Variants in CYP4F12 observed in about 807,000 individuals in gnomAD.
CYP4F12 encodes cytochrome P450 4F12.
In CYP4F12, 60 loss-of-function variants were observed where a neutral mutation model predicts 56.5. The observed-to-expected ratio is 1.06, with a 90% CI of 0.86 to 1.32. CYP4F12 has a LOEUF of 1.32. Among genes scored for constraint, CYP4F12 ranks in the 40% most tolerant of loss-of-function variants. CYP4F12 has a pLI of 0.00. For synonymous variants in CYP4F12, 263 were observed against 264.9 expected, an observed-to-expected ratio of 0.99 and a Z score of 0.07; for missense variants, 711 against 683.5, an observed-to-expected ratio of 1.04 and a Z score of -0.45.
rs1252068689 is a variant in CYP4F12 at position 15,696,169 on chromosome 19, T to A, written c.1258T>A (p.Cys420Ser). The A allele has an allele frequency of 1.2e-6, 2 of 1,614,074 alleles. No individual in the cohort carries two copies. Among genetic ancestry groups the A allele is most frequent in the Middle Eastern group, 3.3e-4 (2 of 6,060 alleles). ...DGRVIPKGIT[C>S]LIDIIGVHHN... ...CCCTTTCTCTCCCACAGGCATTACC[T>A]GCCTCATCGATATTATAGGGGTCCA... The change falls in exon 11 of 13, where the codon TGC becomes AGC. Residue 420 changes from cysteine to serine, a missense_variant. Coordinates refer to ENST00000550308, the MANE Select transcript of CYP4F12 (RefSeq NM_023944.4).
rs1007613229 is a variant in CYP4F12 at position 15,693,469 on chromosome 19, T to C, written c.1116-2467T>C. ...TTCAAATTGCCTGACTCTCGTGTTT[T>C]TTTGGCTGCATAAATGTCTTCTTTT... On this transcript the variant is annotated intron_variant, in intron 9 of 12. Coordinates refer to ENST00000550308, the MANE Select transcript of CYP4F12 (RefSeq NM_023944.4). Among the ~76,000 whole-genome samples, 4 of 152,202 alleles carry C rather than the reference T, an allele frequency of 2.6e-5. No individual in the cohort carries two copies. The East Asian group carries it at 7.7e-4, about 29-fold the overall frequency.
rs376221682 is a variant in CYP4F12 at position 15,677,652 on chromosome 19, C to A, written c.199-609C>A. On this transcript the variant is annotated intron_variant, in intron 2 of 12. Transcript: ENST00000550308. ...CCTCTCCTCACTTACTCATTCCTCT[C>A]CTCACTCACTCATTCCTCTCCTCAC... Among the ~76,000 whole-genome samples, 194 of 67,236 alleles carry A rather than the reference C, an allele frequency of 2.9e-3. 60 individuals carry two copies. Among genetic ancestry groups the A allele is most frequent in the Middle Eastern group, 0.02 (2 of 98 alleles). 44.1% of individuals were successfully genotyped at this position (67,236 alleles called of 152,430 possible).
chr19:15,687,262 G>A (rs2007659020), intron 9 of CYP4F12, among the ~76,000 whole-genome samples: 1 of 118,794 alleles, frequency 8.4e-6, no homozygotes, highest in Non-Finnish European at 1.7e-5. Flanking sequence ...GGGCAACAGA[G>A]TGAGACTCTT....
chr19:15,684,764 G>GTA (rs1457607161), intron 7 of CYP4F12, 52 bp from the exon 8 acceptor site: 13 of 335,120 alleles, frequency 3.9e-5, no homozygotes, highest in South Asian at 3.7e-5. Context: ...ATTTGTGTGT[G>GTA]TGTGTGTGTG....
intron 9 of CYP4F12, among the ~76,000 whole-genome samples, chr19:15,695,514 A>C (rs1023366500): frequency 5.3e-5 from 7 of 131,424 alleles, no homozygotes; most frequent in Admixed American, 1.5e-4. Flanking sequence ...AAAAAAAAAA[A>C]AACAAATTGC....
chr19:15,695,942 C>T lies in CYP4F12; in HGVS notation c.1122C>T (p.Asp374=). ...DRDPKEIEWD[D]LAQLPFLTMC... ...GGCTGGGGTGTTTCCTTAGGGACGA[C>T]CTGGCCCAGCTGCCCTTCCTGACCA... The change falls in exon 10 of 13, where the codon GAC becomes GAT. Residue 374 remains aspartate (D), a synonymous_variant. Coordinates refer to ENST00000550308, the MANE Select transcript of CYP4F12 (RefSeq NM_023944.4). 3 of 1,613,014 alleles carry T rather than the reference C, an allele frequency of 1.9e-6. No homozygotes were observed. Among genetic ancestry groups the T allele is most frequent in the Non-Finnish European group, 2.5e-6 (3 of 1,179,660 alleles).
chr19:15,678,509 T>G, intron 3 of CYP4F12, 104 bp downstream of exon 3: 1 of 1,398,340 alleles, frequency 7.2e-7, no homozygotes, highest in Non-Finnish European at 9.9e-7. Context: ...CATTGAGACT[T>G]CCTTCTCAAT....
intron 6 of CYP4F12, among the ~76,000 whole-genome samples, chr19:15,682,859 G>T (rs1358390465): frequency 2.0e-5 from 3 of 152,186 alleles, no homozygotes; most frequent in African/African-American, 4.8e-5. Context: ...TGTGATAAGA[G>T]CTGAGCTGTG....
chr19:15,675,227 C>T (rs147275957), intron 2 of CYP4F12, among the ~76,000 whole-genome samples: 44,546 of 62,566 alleles, frequency 0.71, 17,102 homozygotes, highest in East Asian at 1. Context: ...CGACTGGGAC[C>T]GGCCCTCCCC....
chr19:15,688,543 C>T (rs1482452973), intron 9 of CYP4F12, among the ~76,000 whole-genome samples: 1 of 152,136 alleles, frequency 6.6e-6, no homozygotes, highest in Non-Finnish European at 1.5e-5. Context: ...GCAAAGCAAT[C>T]TACAGATTTA....
chr19:15,689,701 T>A (rs1215486932), intron 9 of CYP4F12, among the ~76,000 whole-genome samples: 3 of 152,194 alleles, frequency 2.0e-5, no homozygotes, highest in Non-Finnish European at 1.5e-5. Flanking sequence ...GGAACCAACC[T>A]AACTGCCCAT....
intron 9 of CYP4F12, among the ~76,000 whole-genome samples, 166 bp from the exon 10 acceptor site, chr19:15,695,770 A>G (rs956099998): frequency 1.3e-5 from 2 of 152,114 alleles, no homozygotes; most frequent in African/African-American, 2.4e-5. Context: ...TACTTTTCTA[A>G]TTCTCTGCTT....
intron 9 of CYP4F12, among the ~76,000 whole-genome samples, chr19:15,686,127 G>T (rs1239498993): frequency 6.6e-6 from 1 of 152,192 alleles, no homozygotes; most frequent in Admixed American, 6.5e-5. Context: ...GAGAGCAAGA[G>T]AAGCATGGCT....
chr19:15,684,563 T>A (rs2007495406), intron 7 of CYP4F12: 1 of 433,422 alleles, frequency 2.3e-6, no homozygotes, highest in African/African-American at 2.0e-5. Flanking sequence ...AATGAAAATA[T>A]TCGAGAACCA....
chr19:15,695,945 G>T lies in CYP4F12; in HGVS notation c.1125G>T (p.Leu375=). The T allele has an allele frequency of 1.2e-6, 2 of 1,613,042 alleles. No individual in the cohort carries two copies. Among genetic ancestry groups the T allele is most frequent in the Non-Finnish European group, 1.7e-6 (2 of 1,179,660 alleles). Residue 375 remains leucine (L), a synonymous_variant, in exon 10 of 13, where the codon CTG becomes CTT. Coordinates refer to ENST00000550308, the MANE Select transcript of CYP4F12 (RefSeq NM_023944.4). Reference sequence around the variant, plus strand: ...TGGGGTGTTTCCTTAGGGACGACCTGGCCCAGCTGCCCTTCCTGACCATGT... The same window carrying T: ...TGGGGTGTTTCCTTAGGGACGACCTTGCCCAGCTGCCCTTCCTGACCATGT... ...RDPKEIEWDD[L]AQLPFLTMCV...
chr19:15,690,126 A>G (rs2007806435), intron 9 of CYP4F12, among the ~76,000 whole-genome samples: 1 of 152,158 alleles, frequency 6.6e-6, no homozygotes, highest in Non-Finnish European at 1.5e-5. Flanking sequence ...GAAGAGACAG[A>G]TCTGCACATT....
intron 11 of CYP4F12, 68 bp from the exon 12 acceptor site, chr19:15,696,362 C>A (rs2008138075): frequency 1.2e-6 from 2 of 1,611,084 alleles, no homozygotes; most frequent in African/African-American, 2.7e-5. Flanking sequence ...AAAACACACA[C>A]AAGTGTCTCT....
chr19:15,683,937 A>G, intron 7 of CYP4F12, 174 bp downstream of exon 7: 1 of 691,328 alleles, frequency 1.4e-6, no homozygotes, highest in Non-Finnish European at 2.2e-6. Context: ...CCCACAGGGC[A>G]CTGCTAATTC....
intron 9 of CYP4F12, among the ~76,000 whole-genome samples, chr19:15,690,009 T>C (rs184114321): frequency 1.1e-3 from 173 of 152,262 alleles, no homozygotes; most frequent in African/African-American, 4.0e-3. Flanking sequence ...CAGTATACAC[T>C]GCATGGGTGA....
Sources: allele counts gnomAD v4.1 joint callset (sites outside exome capture counted in the v4.1 genomes callset), GRCh38; gene constraint gnomAD v4.1.1; transcripts MANE v1.5; gene names NCBI Gene and HGNC (gene_info 2026-07-23, HGNC 2026-07-21).